Variants in TAFA1 observed in about 807,000 individuals in gnomAD.
TAFA1 encodes the protein TAFA chemokine like family member 1, also known as chemokine-like protein TAFA-1.
A neutral mutation model predicts 18.5 loss-of-function variants in TAFA1; 4 were observed. The observed-to-expected ratio is 0.22, with a 90% CI of 0.11 to 0.49. TAFA1 has a LOEUF of 0.49. Ranked by LOEUF, TAFA1 falls within the 20% of genes least tolerant of loss-of-function variation. The pLI, the probability that TAFA1 is intolerant of heterozygous loss-of-function variation, is 0.98. For synonymous variants in TAFA1, 56 were observed against 55.2 expected (o/e 1.01, Z -0.06); for missense variants, 147 against 169.0 (o/e 0.87, Z 0.72).
At chr3:68,353,213 A>G (rs1045617704) in intron 2 of TAFA1, among the ~76,000 whole-genome samples, 6 of 152,056 alleles carry the variant, frequency 3.9e-5, no homozygotes, top group Non-Finnish European at 8.8e-5. Flanking sequence ...TGTGTAACTG[A>G]TCCAAGCACC....
intron 2 of TAFA1, among the ~76,000 whole-genome samples, chr3:68,173,717 T>A (rs2066087539): frequency 6.6e-6 from 1 of 152,176 alleles, no homozygotes; most frequent in Non-Finnish European, 1.5e-5. Flanking sequence ...TTTCTCAGGA[T>A]CCTTGTAAAT....
At chr3:68,361,526 T>C (rs1019590887) in intron 2 of TAFA1, among the ~76,000 whole-genome samples, 2 of 151,874 alleles carry the variant, frequency 1.3e-5, no homozygotes. Flanking sequence ...TGGTAAATAC[T>C]CAAAGTAATG....
chr3:68,267,277 AACTTACTGAACCCAT>A (rs1173544531), intron 2 of TAFA1, among the ~76,000 whole-genome samples: 1 of 152,202 alleles, frequency 6.6e-6, no homozygotes, highest in Non-Finnish European at 1.5e-5. Flanking sequence ...ATTTGTAAGA[AACTTACTGAACCCAT>A]ACTTGTATGC....
chr3:68,100,494 A>G (rs542895516), intron 2 of TAFA1, among the ~76,000 whole-genome samples: 3 of 152,162 alleles, frequency 2.0e-5, no homozygotes, highest in Non-Finnish European at 2.9e-5. Context: ...CATGGCCACC[A>G]GATTGGTCTT....
At chr3:68,357,359 T>C (rs1373182316) in intron 2 of TAFA1, among the ~76,000 whole-genome samples, 3 of 143,812 alleles carry the variant, frequency 2.1e-5, no homozygotes, top group East Asian at 2.2e-4. Flanking sequence ...GCAGTTAAGG[T>C]GGAAGGGTCT....
chr3:68,243,940 C>T (rs1044220943), intron 2 of TAFA1, among the ~76,000 whole-genome samples: 1 of 152,134 alleles, frequency 6.6e-6, no homozygotes, highest in African/African-American at 2.4e-5. Flanking sequence ...GCATCCTCAC[C>T]AGCATTTGGT....
chr3:68,444,774 ATATATATATATAT>A (rs1288355382), intron 3 of TAFA1, among the ~76,000 whole-genome samples: 1 of 3,208 alleles, frequency 3.1e-4, no homozygotes, highest in East Asian at 0.17. Flanking sequence ...TCTACAAAAT[ATATATATATATAT>A]ATATATATAT....
intron 3 of TAFA1, among the ~76,000 whole-genome samples, chr3:68,443,473 CAAAAAAAAA>C (rs56944130): frequency 6.2e-5 from 6 of 96,122 alleles, no homozygotes; most frequent in South Asian, 3.1e-4. Context: ...GGGCAATTTA[CAAAAAAAAA>C]AAAAAAAAAA....
chr3:68,378,124 C>T (rs1444586238), intron 2 of TAFA1, among the ~76,000 whole-genome samples: 1 of 152,164 alleles, frequency 6.6e-6, no homozygotes, highest in Non-Finnish European at 1.5e-5. Context: ...TAGGGCACTG[C>T]CTAGGGAGCT....
intron 3 of TAFA1, among the ~76,000 whole-genome samples, chr3:68,510,328 G>A (rs2106727838): frequency 6.6e-6 from 1 of 152,276 alleles, no homozygotes; most frequent in Middle Eastern, 3.4e-3. Context: ...GAAGGGAATG[G>A]ACAGGGCTTT....
intron 2 of TAFA1, among the ~76,000 whole-genome samples, chr3:68,257,470 C>T (rs75971410): frequency 0.036 from 5,369 of 151,172 alleles, 144 homozygotes; most frequent in Non-Finnish European, 0.054. Context: ...TACTCTGCCT[C>T]AGACAAGATG....
At chr3:68,435,897 C>T (rs1228966990) in intron 3 of TAFA1, among the ~76,000 whole-genome samples, 1 of 152,162 alleles carries the variant, frequency 6.6e-6, no homozygotes, top group Non-Finnish European at 1.5e-5. Context: ...TCCTGCCAGA[C>T]TACATGTTAG....
At chr3:68,060,164 T>A (rs1368999594) in intron 2 of TAFA1, among the ~76,000 whole-genome samples, 8 of 151,878 alleles carry the variant, frequency 5.3e-5, no homozygotes, top group Non-Finnish European at 1.0e-4. Flanking sequence ...CCTCATCACC[T>A]CAAAAGTCCA....
At chr3:68,471,942 A>G (rs561140425) in intron 3 of TAFA1, among the ~76,000 whole-genome samples, 1 of 152,262 alleles carries the variant, frequency 6.6e-6, no homozygotes, top group Admixed American at 6.5e-5. Context: ...ACAGCCTCAT[A>G]GGTGGAAGCG....
chr3:68,430,926 T>C (rs1162132786), intron 3 of TAFA1, among the ~76,000 whole-genome samples: 1 of 152,038 alleles, frequency 6.6e-6, no homozygotes, highest in Admixed American at 6.6e-5. Flanking sequence ...AGAGATTCTT[T>C]ATACAGGGGA....
chr3:68,007,753 C>G (rs570622306), intron 2 of TAFA1, among the ~76,000 whole-genome samples: 15 of 152,160 alleles, frequency 9.9e-5, no homozygotes, highest in Admixed American at 3.9e-4. Flanking sequence ...CTCCTCCCCC[C>G]ATCCGTCGAG....
chr3:68,152,653 C>A (rs181180182), intron 2 of TAFA1, among the ~76,000 whole-genome samples: 20 of 152,238 alleles, frequency 1.3e-4, no homozygotes, highest in African/African-American at 4.8e-4. Flanking sequence ...CAACCATAAT[C>A]ATCACCAATA....
In TAFA1 at chr3:68,402,784, G is replaced by A. The variant is rs112994503; in HGVS notation, c.119-14496G>A. On this transcript the variant is annotated intron_variant, in intron 2 of 4. Transcript: ENST00000478136. ...GGCAAAAGCTAAGCAGAAGTACCTC[G>A]TTCTAGTTCTGCACGGAAGACATGG... 3.9e-5 allele frequency among the ~76,000 whole-genome samples: 6 copies of A among 152,284 alleles called. 1 individual carries two copies. The highest frequency in any genetic ancestry group is 1.4e-4 in the African/African-American group (6 of 41,562).
At chr3:68,380,901 A>C (rs1477092898) in intron 2 of TAFA1, among the ~76,000 whole-genome samples, 1 of 150,272 alleles carries the variant, frequency 6.7e-6, no homozygotes, top group Admixed American at 6.6e-5. Flanking sequence ...TTATGGTTTT[A>C]GGTCTAACAT....
Sources: gnomAD v4.1 joint callset for allele counts (sites outside exome capture counted in the v4.1 genomes callset) on GRCh38, gnomAD v4.1.1 for gene constraint, MANE v1.5 for transcripts, NCBI Gene and HGNC (gene_info 2026-07-23, HGNC 2026-07-21) for gene names.